Variants in PSKH1 observed in about 807,000 individuals in gnomAD.
The protein encoded by PSKH1 is serine/threonine-protein kinase H1.
A neutral mutation model predicts 26.7 loss-of-function variants in PSKH1; 12 were observed. That is an observed-to-expected ratio of 0.45 (90% CI 0.29 to 0.73). PSKH1 has a LOEUF of 0.73. Among genes scored for constraint, PSKH1 ranks in the 30% least tolerant of loss-of-function variants. PSKH1 has a pLI of 0.11. For synonymous variants in PSKH1, 213 were observed against 234.3 expected, an observed-to-expected ratio of 0.91 and a Z score of 0.83; for missense variants, 431 against 595.2, an observed-to-expected ratio of 0.72 and a Z score of 2.87.
At chr16:67,912,951 G>A (rs1036547215) in intron 2 of PSKH1, among the ~76,000 whole-genome samples, 14 of 152,132 alleles carry the variant, frequency 9.2e-5, no homozygotes, top group Middle Eastern at 3.2e-3. Context: ...AGTTTGGGAG[G>A]CTGAGGCAGG....
chr16:67,917,235 A>G (rs1443030298), intron 2 of PSKH1, among the ~76,000 whole-genome samples: 1 of 152,222 alleles, frequency 6.6e-6, no homozygotes, highest in African/African-American at 2.4e-5. Context: ...TAACTTGGCC[A>G]TGGTCTCCCG....
chr16:67,894,088 C>T (rs1273807000), intron 1 of PSKH1, among the ~76,000 whole-genome samples: 1 of 152,204 alleles, frequency 6.6e-6, no homozygotes, highest in African/African-American at 2.4e-5. Flanking sequence ...CTTCTGTGCT[C>T]CCTTTACGTA....
chr16:67,923,430 C>T (rs951190337), intron 2 of PSKH1, among the ~76,000 whole-genome samples: 7 of 152,170 alleles, frequency 4.6e-5, no homozygotes, highest in Non-Finnish European at 7.4e-5. Context: ...CCCTCACTCA[C>T]GCAGCAGTGT....
chr16:67,904,036 G>A (rs146745985), intron 1 of PSKH1, among the ~76,000 whole-genome samples: 1 of 142,836 alleles, frequency 7.0e-6, no homozygotes, highest in East Asian at 2.0e-4. Context: ...TTTTTTTTGA[G>A]ACGGAGTCTT....
chr16:67,901,077 C>T (rs1285011522), intron 1 of PSKH1, among the ~76,000 whole-genome samples: 1 of 152,090 alleles, frequency 6.6e-6, no homozygotes, highest in Non-Finnish European at 1.5e-5. Context: ...CACCTGGGGG[C>T]TGTTGCCCAT....
At chr16:67,924,284 C>T (rs551130991) in intron 2 of PSKH1, among the ~76,000 whole-genome samples, 24 of 152,340 alleles carry the variant, frequency 1.6e-4, no homozygotes, top group Non-Finnish European at 2.6e-4. Flanking sequence ...CTGCATTCTG[C>T]GCACAGCCAC....
intron 2 of PSKH1, among the ~76,000 whole-genome samples, chr16:67,911,588 A>G (rs1357075997): frequency 6.6e-6 from 1 of 152,218 alleles, no homozygotes; most frequent in Non-Finnish European, 1.5e-5. Context: ...AGGCTGAGGC[A>G]AGAGAATCAC....
At chr16:67,919,118 C>T (rs961531854) in intron 2 of PSKH1, among the ~76,000 whole-genome samples, 3 of 152,164 alleles carry the variant, frequency 2.0e-5, no homozygotes, top group Non-Finnish European at 4.4e-5. Flanking sequence ...TCATGGGGAG[C>T]GCTGTCCGGG....
intron 1 of PSKH1, 43 bp from the exon 2 acceptor site, chr16:67,908,637 G>A: frequency 1.1e-6 from 1 of 905,508 alleles, no homozygotes; most frequent in Non-Finnish European, 1.6e-6. Flanking sequence ...GATTTCCTTA[G>A]AGTTGGCCTG....
chr16:67,908,158 A>G (rs1237511950), intron 1 of PSKH1, among the ~76,000 whole-genome samples: 2 of 152,160 alleles, frequency 1.3e-5, no homozygotes, highest in African/African-American at 4.8e-5. Flanking sequence ...GAGATGAGTC[A>G]AAGCCGTGAA....
Position 67,927,375 on chromosome 16 carries a change from G to A in PSKH1, c.1008G>A (p.Leu336=). The A allele has an allele frequency of 6.2e-7, 1 of 1,613,906 alleles. No individual in the cohort carries two copies. Among genetic ancestry groups the A allele is most frequent in the Non-Finnish European group, 8.5e-7 (1 of 1,179,782 alleles). Residue 336 remains leucine (L), a synonymous_variant, in exon 3 of 3, where the codon CTG becomes CTA. Transcript: ENST00000291041. The surrounding 1 kb of genome is among the most constrained non-coding windows in gnomAD (Gnocchi z 5.5). ...CCAAGGACTTCATTGACCGCCTGCT[G>A]ACAGTGGACCCTGGAGCCCGTATGA... ...NLAKDFIDRL[L]TVDPGARMTA...
rs1359561833 is a variant in PSKH1, at chr16:67,928,883, C to G, written c.*1241C>G. 6.5e-6 allele frequency: 1 copy of G among 152,734 alleles called. No individual in the cohort carries two copies. Among genetic ancestry groups the G allele is most frequent in the Non-Finnish European group, 1.5e-5 (1 of 68,168 alleles). The allele number at this position is 152,734 out of a possible 1,614,324, so 9.5% of individuals were successfully genotyped here. A position where few individuals can be genotyped will look rare whatever the true frequency, so the allele number is the denominator to read the frequency against. Reference sequence around the variant, plus strand: ...CTGGAACTTAGCCATACTGTGTGACCTGCCTCTGAAACCAGGGTGCCAGGG... The same window carrying G: ...CTGGAACTTAGCCATACTGTGTGACGTGCCTCTGAAACCAGGGTGCCAGGG... On this transcript the variant is annotated 3_prime_UTR_variant, in exon 3 of 3. Coordinates refer to ENST00000291041, the MANE Select transcript of PSKH1 (RefSeq NM_006742.3). This position sits in a 1 kb window ranked among gnomAD's most constrained non-coding sequence, Gnocchi z 4.8.
At position 67,909,099 on chromosome 16, in the gene PSKH1, A is replaced by C. The variant is rs1598189427; in HGVS notation, c.350A>C (p.His117Pro). Reference protein sequence around the residue: ...GSFSRVVRVEHRATRQPYAIK... With the variant: ...GSFSRVVRVEPRATRQPYAIK... ...TTCAGCCGAGTGGTACGTGTAGAGC[A>C]CCGGGCAACCCGGCAGCCGTATGCC... The change falls in exon 2 of 3, where the codon CAC (histidine) becomes CCC (proline). Residue 117 changes from histidine to proline, a missense_variant. Physicochemically the swap from His to Pro is moderately conservative, Grantham distance 77. Transcript: ENST00000291041. The surrounding 1 kb of genome is among the most constrained non-coding windows in gnomAD (Gnocchi z 7.8). The C allele has an allele frequency of 6.2e-7, 1 of 1,611,600 alleles. No individual in the cohort carries two copies. Among genetic ancestry groups the C allele is most frequent in the Non-Finnish European group, 8.5e-7 (1 of 1,178,820 alleles).
Position 67,909,453 on chromosome 16 carries a change from T to C in PSKH1, c.704T>C (p.Ile235Thr). 6.2e-7 allele frequency: 1 copy of C among 1,612,968 alleles called. No homozygotes were observed. The highest frequency in any genetic ancestry group is 8.5e-7 in the Non-Finnish European group (1 of 1,179,936). Residue 235 changes from isoleucine to threonine, a missense_variant, in exon 2 of 3, where the codon ATC becomes ACC. Physicochemically the swap from Ile to Thr is moderately conservative, Grantham distance 89. Transcript: ENST00000291041. This position sits in a 1 kb window ranked among gnomAD's most constrained non-coding sequence, Gnocchi z 7.8. ...TACCATCCGGGCACTGACTCCAAGA[T>C]CATCATCACCGACTTCGGCCTGGCC... ...LYYHPGTDSKIIITDFGLASA... is the reference protein window; with the variant it reads ...LYYHPGTDSKTIITDFGLASA...
intron 1 of PSKH1, among the ~76,000 whole-genome samples, chr16:67,895,962 C>T (rs2058125211): frequency 6.6e-6 from 1 of 152,108 alleles, no homozygotes; most frequent in African/African-American, 2.4e-5. Context: ...AATCATCGTG[C>T]CTACTACATG....
chr16:67,894,679 G>A (rs926980145), intron 1 of PSKH1, among the ~76,000 whole-genome samples: 1 of 152,274 alleles, frequency 6.6e-6, no homozygotes, highest in African/African-American at 2.4e-5. Context: ...GTCTGCATAT[G>A]TCTGGCTCTG....
At chr16:67,902,762 G>T (rs1298373892) in intron 1 of PSKH1, among the ~76,000 whole-genome samples, 16 of 152,102 alleles carry the variant, frequency 1.1e-4, no homozygotes, top group Admixed American at 1.0e-3. Flanking sequence ...CATCTGAGTG[G>T]CTGTGCTGGG....
rs2058168524 is a variant in PSKH1 at position 67,909,856 on chromosome 16, A to G, written c.957+150A>G. 3 of 735,216 alleles carry G rather than the reference A, an allele frequency of 4.1e-6. No homozygotes were observed. Among genetic ancestry groups the G allele is most frequent in the African/African-American group, 1.8e-5 (1 of 56,606 alleles). The allele number at this position is 735,216 out of a possible 1,614,324, so 45.5% of individuals were successfully genotyped here. On this transcript the variant is annotated intron_variant, in intron 2 of 2. Coordinates refer to ENST00000291041, the MANE Select transcript of PSKH1 (RefSeq NM_006742.3). This position sits in a 1 kb window ranked among gnomAD's most constrained non-coding sequence, Gnocchi z 7.8. ...AAAGGGACAAAGTGAGACTATCAGA[A>G]TGTAGTTTGGGTTCCCTCAAGGTGA... is the stretch of plus-strand genomic sequence containing the variant.
chr16:67,913,823 G>A (rs1408525993), intron 2 of PSKH1, among the ~76,000 whole-genome samples: 1 of 152,190 alleles, frequency 6.6e-6, no homozygotes, highest in Non-Finnish European at 1.5e-5. Context: ...ACCAGGTGGT[G>A]TTGATAACAC....
Sources: allele counts gnomAD v4.1 joint callset (sites outside exome capture counted in the v4.1 genomes callset), GRCh38; gene constraint gnomAD v4.1.1; non-coding constraint Gnocchi (gnomAD v3.1); transcripts MANE v1.5; gene names NCBI Gene and HGNC (gene_info 2026-07-23, HGNC 2026-07-21).